Variants in MYO1D observed in about 807,000 individuals in gnomAD.
The protein encoded by MYO1D is myosin ID, also known as unconventional myosin-Id.
In MYO1D, 83 loss-of-function variants were observed where a neutral mutation model predicts 122.0. That is an observed-to-expected ratio of 0.68 (90% confidence interval 0.57 to 0.82). The LOEUF is 0.82. MYO1D is among the 40% of genes least tolerant of loss of function. The pLI, the probability that MYO1D is intolerant of heterozygous loss-of-function variation, is 0.00. For missense variants in MYO1D, 1,157 were observed against 1,269.5 expected, an observed-to-expected ratio of 0.91 and a Z score of 1.35; for synonymous variants, 464 against 446.9, an observed-to-expected ratio of 1.04 and a Z score of -0.48.
chr17:32,625,373 C>G (rs768932976), intron 20 of MYO1D, among the ~76,000 whole-genome samples: 5 of 152,030 alleles, frequency 3.3e-5, no homozygotes, highest in Non-Finnish European at 7.4e-5. Context: ...TTAGAAGAAC[C>G]TGCACTGAAA....
Position 32,605,219 on chromosome 17 carries a change from T to C in MYO1D, c.2732A>G (p.Asn911Ser), listed in dbSNP as rs1394082882. 1.9e-6 allele frequency: 3 copies of C among 1,583,812 alleles called. No homozygotes were observed. Among genetic ancestry groups the C allele is most frequent in the African/African-American group, 2.7e-5 (2 of 74,554 alleles). ...GAACACTACAAGTTGGTCCTTTCCA[T>C]TGGAGACACTCAGACCAGTCAACTG... ...LYNLTGLSVS[N>S]GKDQLVVFHT... Residue 911 changes from asparagine to serine, a missense_variant, in exon 21 of 22, where the codon AAT becomes AGT. By Grantham distance (46) the Asn-to-Ser change is conservative. Coordinates refer to ENST00000318217, the MANE Select transcript of MYO1D (RefSeq NM_015194.3).
At chr17:32,545,509 C>T (rs957406241) in intron 21 of MYO1D, among the ~76,000 whole-genome samples, 1 of 152,092 alleles carries the variant, frequency 6.6e-6, no homozygotes, top group Non-Finnish European at 1.5e-5. Context: ...AGTGGAATAC[C>T]ATTCCACCTC....
chr17:32,701,914 T>C (rs1303703952), intron 16 of MYO1D, among the ~76,000 whole-genome samples: 1 of 152,228 alleles, frequency 6.6e-6, no homozygotes, highest in African/African-American at 2.4e-5. Flanking sequence ...TACCTTAGCA[T>C]GTCTGCATGT....
intron 1 of MYO1D, among the ~76,000 whole-genome samples, chr17:32,834,524 G>A (rs899668922): frequency 6.6e-6 from 1 of 152,132 alleles, no homozygotes; most frequent in Non-Finnish European, 1.5e-5. Context: ...GACCTCTTGA[G>A]TCTACCTGAG....
At chr17:32,771,910 T>C (rs1285700518) in intron 5 of MYO1D, among the ~76,000 whole-genome samples, 2 of 152,228 alleles carry the variant, frequency 1.3e-5, no homozygotes, top group Admixed American at 6.5e-5. Context: ...ATATAGAGCA[T>C]GTTTTTGGAA....
Position 32,659,222 on chromosome 17 carries a change from G to A in MYO1D, c.2238C>T (p.Arg746=). 1 of 1,614,232 alleles carries A rather than the reference G, an allele frequency of 6.2e-7. No homozygotes were observed. The highest frequency in any genetic ancestry group is 1.7e-5 in the Admixed American group (1 of 60,036). Residue 746 remains arginine (R), a synonymous_variant, in exon 17 of 22, where the codon CGC becomes CGT. Coordinates refer to ENST00000318217, the MANE Select transcript of MYO1D (RefSeq NM_015194.3). Reference sequence around the variant, plus strand: ...CTCGCATGGTCTTGACGCCATGGAAGCGTCTGGCCACCTCGTGGATGTACG... The same window carrying A: ...CTCGCATGGTCTTGACGCCATGGAAACGTCTGGCCACCTCGTGGATGTACG... ...VKSYIHEVAR[R]FHGVKTMRDY...
At position 32,864,007 on chromosome 17, in the gene MYO1D, CTTT is replaced by C. The variant is rs560953120; in HGVS notation, c.95+12768_95+12770del. On this transcript the variant is annotated intron_variant, in intron 1 of 21. Transcript: ENST00000318217. ...TAATTTTGGTTACAAACATTTCTTCCTTTTTTTTTTTTTTTTTTTTTTTTTTTT... is the reference window on the plus strand; with the variant it reads ...TAATTTTGGTTACAAACATTTCTTCCTTTTTTTTTTTTTTTTTTTTTTTTT... Among the ~76,000 whole-genome samples, 426 of 48,796 alleles carry C rather than the reference CTTT, an allele frequency of 8.7e-3. 8 individuals are homozygous for C. The highest frequency in any genetic ancestry group is 0.022 in the African/African-American group (215 of 9,594). The allele number at this position is 48,796 out of a possible 152,430, so 32.0% of individuals were successfully genotyped here.
At chr17:32,780,848 T>A in intron 1 of MYO1D, 64 bp from the exon 2 acceptor site, 2 of 1,471,718 alleles carry the variant, frequency 1.4e-6, no homozygotes, top group Non-Finnish European at 1.9e-6. Flanking sequence ...GTATCTGTCC[T>A]GTGAGTCTCT....
chr17:32,691,502 G>A (rs2089100414), intron 16 of MYO1D, among the ~76,000 whole-genome samples: 1 of 150,916 alleles, frequency 6.6e-6, no homozygotes, highest in African/African-American at 2.4e-5. Flanking sequence ...TGCCTCCTGG[G>A]TTCAAGCGAT....
intron 20 of MYO1D, among the ~76,000 whole-genome samples, chr17:32,621,153 T>C (rs1236406592): frequency 1.3e-5 from 2 of 152,128 alleles, no homozygotes; most frequent in Non-Finnish European, 2.9e-5. Context: ...ACCTGTCACA[T>C]GCGGTCAGAT....
chr17:32,759,261 G>A (rs1394267630), intron 10 of MYO1D, among the ~76,000 whole-genome samples: 1 of 151,984 alleles, frequency 6.6e-6, no homozygotes, highest in Non-Finnish European at 1.5e-5. Flanking sequence ...CTGAGCAACT[G>A]TTTTATGGTA....
intron 20 of MYO1D, among the ~76,000 whole-genome samples, chr17:32,612,303 CAG>C (rs1372157154): frequency 3.9e-5 from 6 of 152,112 alleles, no homozygotes; most frequent in African/African-American, 1.4e-4. Flanking sequence ...AAACCCTTGG[CAG>C]AGTCTCACCA....
At chr17:32,526,390 T>C (rs1167294483) in intron 21 of MYO1D, among the ~76,000 whole-genome samples, 1 of 152,212 alleles carries the variant, frequency 6.6e-6, no homozygotes, top group African/African-American at 2.4e-5. Flanking sequence ...TTTTAACGTA[T>C]CAAATATCTA....
chr17:32,826,076 T>G (rs1032044717), intron 1 of MYO1D, among the ~76,000 whole-genome samples: 12 of 150,730 alleles, frequency 8.0e-5, no homozygotes, highest in Non-Finnish European at 1.3e-4. Context: ...AAAAGTGTAT[T>G]ACTACTTTAT....
intron 21 of MYO1D, among the ~76,000 whole-genome samples, chr17:32,501,635 G>A (rs1055300236): frequency 2.0e-5 from 3 of 152,226 alleles, no homozygotes; most frequent in Non-Finnish European, 4.4e-5. Flanking sequence ...CATGGAGGCT[G>A]ACGGGAAGGC....
intron 16 of MYO1D, among the ~76,000 whole-genome samples, chr17:32,698,299 T>TCCCC: frequency 1.7e-5 from 1 of 58,558 alleles, no homozygotes; most frequent in African/African-American, 7.1e-5. Flanking sequence ...CCTTCCCCCC[T>TCCCC]CTCCCTCCCC....
chr17:32,520,095 C>T (rs1041521159), intron 21 of MYO1D, among the ~76,000 whole-genome samples: 6 of 152,160 alleles, frequency 3.9e-5, no homozygotes, highest in African/African-American at 1.4e-4. Flanking sequence ...GAAAATCAAT[C>T]TGTGCACCTT....
At chr17:32,708,071 T>C (rs1052119744) in intron 16 of MYO1D, among the ~76,000 whole-genome samples, 1 of 152,224 alleles carries the variant, frequency 6.6e-6, no homozygotes, top group Non-Finnish European at 1.5e-5. Flanking sequence ...AACACTATGC[T>C]GAGTCCTGTG....
chr17:32,843,102 C>A (rs2090899563), intron 1 of MYO1D, among the ~76,000 whole-genome samples: 1 of 151,992 alleles, frequency 6.6e-6, no homozygotes. Flanking sequence ...ATTGGTCAGG[C>A]TGGTCTCGAA....
Sources: gnomAD v4.1 joint callset for allele counts (sites outside exome capture counted in the v4.1 genomes callset) on GRCh38, gnomAD v4.1.1 for gene constraint, MANE v1.5 for transcripts, NCBI Gene and HGNC (gene_info 2026-07-23, HGNC 2026-07-21) for gene names.